The following PTGR2 variants were observed in gnomAD, a reference collection of about 807,000 sequenced individuals.
The protein encoded by PTGR2 is 15-oxoprostaglandin 13-reductase.
A neutral mutation model predicts 43.4 loss-of-function variants in PTGR2; 32 were observed. The ratio of observed to expected loss-of-function variants is 0.74; its 90% confidence interval spans 0.56 to 0.99. The LOEUF is 0.99. Among genes scored for constraint, PTGR2 ranks in the 50% least tolerant of loss-of-function variants. The pLI, the probability that PTGR2 is intolerant of heterozygous loss-of-function variation, is 0.00. For synonymous variants in PTGR2, 106 were observed against 139.2 expected, an observed-to-expected ratio of 0.76 and a Z score of 1.68; for missense variants, 373 against 420.0, an observed-to-expected ratio of 0.89 and a Z score of 0.98.
At chr14:73,876,276 TG>T (rs2054863158) in intron 4 of PTGR2, among the ~76,000 whole-genome samples, 1 of 152,154 alleles carries the variant, frequency 6.6e-6, no homozygotes, top group Non-Finnish European at 1.5e-5. Flanking sequence ...TACTACAGGC[TG>T]GGTGGTTTAA....
intron 1 of PTGR2, 49 bp from the exon 2 acceptor site, chr14:73,858,767 A>G: frequency 2.3e-6 from 2 of 865,130 alleles, no homozygotes; most frequent in South Asian, 2.1e-5. Flanking sequence ...TTATTTTTAA[A>G]TTGTTGAATA....
Position 73,881,179 on chromosome 14 carries a change from C to T in PTGR2, c.852-26C>T, listed in dbSNP as rs759070255. On this transcript the variant is annotated intron_variant, in intron 7 of 9. Transcript: ENST00000555661. The stretch of plus-strand genomic sequence containing the variant: ...TACCACTCCCGTTATATTCTCTGAT[C>T]ATTATCCTTTTCTTCCTCACTGCAG... The T allele has an allele frequency of 3.7e-5, 50 of 1,366,278 alleles. No homozygotes were observed. The South Asian group carries it at 5.6e-4, about 15-fold the overall frequency. 84.6% of individuals were successfully genotyped at this position (1,366,278 alleles called of 1,614,324 possible).
At chr14:73,858,789 G>A (rs928485530) in intron 1 of PTGR2, 27 bp from the exon 2 acceptor site, 3 of 1,162,820 alleles carry the variant, frequency 2.6e-6, no homozygotes, top group Admixed American at 2.2e-5. Context: ...TTCAAATCTT[G>A]TGATTTAAAA....
At chr14:73,868,383 C>T (rs937500793) in intron 3 of PTGR2, among the ~76,000 whole-genome samples, 2 of 152,080 alleles carry the variant, frequency 1.3e-5, no homozygotes, top group Non-Finnish European at 2.9e-5. Flanking sequence ...CAGTGGATGT[C>T]TGTCTTTTGT....
intron 9 of PTGR2, 55 bp downstream of exon 9, chr14:73,882,493 C>T: frequency 8.5e-7 from 1 of 1,173,130 alleles, no homozygotes; most frequent in East Asian, 2.4e-5. Context: ...AAGATAAAGT[C>T]TCTTTATTTT....
At chr14:73,865,047 T>C (rs1363269755) in intron 3 of PTGR2, among the ~76,000 whole-genome samples, 4 of 152,074 alleles carry the variant, frequency 2.6e-5, no homozygotes, top group Non-Finnish European at 5.9e-5. Context: ...AACACACACA[T>C]AGGCATGCAC....
intron 1 of PTGR2, among the ~76,000 whole-genome samples, chr14:73,856,540 C>T (rs571177768): frequency 3.9e-5 from 6 of 152,262 alleles, no homozygotes; most frequent in South Asian, 4.1e-4. Flanking sequence ...GGTGAGCCAC[C>T]GCTCCCAGCC....
intron 1 of PTGR2, 75 bp from the exon 2 acceptor site, chr14:73,858,741 C>A: frequency 1.5e-6 from 1 of 656,154 alleles, no homozygotes; most frequent in Non-Finnish European, 2.4e-6. Flanking sequence ...TTGGGAAACA[C>A]AAATGGACTT....
intron 2 of PTGR2, among the ~76,000 whole-genome samples, chr14:73,859,191 G>A (rs186632128): frequency 1.3e-5 from 2 of 152,190 alleles, no homozygotes; most frequent in African/African-American, 4.8e-5. Flanking sequence ...ACAAATATAT[G>A]TGGCTTTTGT....
chr14:73,882,909 C>T (rs1371901329), intron 9 of PTGR2, among the ~76,000 whole-genome samples: 3 of 140,518 alleles, frequency 2.1e-5, no homozygotes, highest in Non-Finnish European at 3.0e-5. Context: ...CAACCTCCAC[C>T]TCCCGAGATC....
At chr14:73,875,766 G>T (rs2054846913) in intron 4 of PTGR2, among the ~76,000 whole-genome samples, 2 of 149,622 alleles carry the variant, frequency 1.3e-5, no homozygotes, top group African/African-American at 4.9e-5. Context: ...CATACTTGGG[G>T]CATTAACAAG....
chr14:73,854,252 G>A (rs1373996304), intron 1 of PTGR2, among the ~76,000 whole-genome samples: 7 of 151,996 alleles, frequency 4.6e-5, no homozygotes, highest in Non-Finnish European at 4.4e-5. Context: ...ACAGGCACCC[G>A]CCACCACGCC....
At chr14:73,857,199 T>C (rs553355600) in intron 1 of PTGR2, among the ~76,000 whole-genome samples, 26 of 151,300 alleles carry the variant, frequency 1.7e-4, no homozygotes, top group African/African-American at 6.1e-4. Context: ...TTCCTTGATA[T>C]ATTACTTTTA....
chr14:73,877,587 A>G (rs17563302), intron 5 of PTGR2: 4,982 of 150,690 alleles, frequency 0.033, 164 homozygotes, highest in African/African-American at 0.084. Context: ...ATTTATAATG[A>G]CTTTCACACG....
intron 3 of PTGR2, among the ~76,000 whole-genome samples, chr14:73,868,586 G>A (rs1489094347): frequency 3.3e-5 from 5 of 151,898 alleles, no homozygotes; most frequent in African/African-American, 1.2e-4. Flanking sequence ...CCAATCCAAA[G>A]CCCATATCCC....
Position 73,879,372 on chromosome 14 carries a change from A to C in PTGR2, c.729+67A>C, listed in dbSNP as rs1367559115. Reference sequence around the variant, plus strand: ...TATATGTTGTGATATCTTTTTACCTAATACTGAGAAAAAAATTTATAAAAT... The same window carrying C: ...TATATGTTGTGATATCTTTTTACCTCATACTGAGAAAAAAATTTATAAAAT... On this transcript the variant is annotated intron_variant, in intron 6 of 9. Coordinates refer to ENST00000555661, the MANE Select transcript of PTGR2 (RefSeq NM_001146154.2). The C allele has an allele frequency of 7.3e-6, 10 of 1,374,108 alleles. No individual in the cohort carries two copies. In the Admixed American group the frequency reaches 1.7e-4, roughly 24 times the overall value. 85.1% of individuals were successfully genotyped at this position (1,374,108 alleles called of 1,614,324 possible). A position where few individuals can be genotyped will look rare whatever the true frequency, so the allele number is the denominator to read the frequency against.
intron 3 of PTGR2, among the ~76,000 whole-genome samples, chr14:73,871,910 A>C (rs1189412135): frequency 6.6e-6 from 1 of 152,040 alleles, no homozygotes; most frequent in African/African-American, 2.4e-5. Context: ...ACTTGCTTTT[A>C]AGGAATACGT....
chr14:73,871,341 C>CTTTTTTTTTT (rs869073652), intron 3 of PTGR2, among the ~76,000 whole-genome samples: 1 of 67,860 alleles, frequency 1.5e-5, no homozygotes, highest in Non-Finnish European at 2.7e-5. Flanking sequence ...GGCTGTTCAT[C>CTTTTTTTTTT]TTTTTTTTTT....
chr14:73,876,717 T>C (rs150713110), intron 4 of PTGR2, among the ~76,000 whole-genome samples: 4,063 of 152,164 alleles, frequency 0.027, 87 homozygotes, highest in Non-Finnish European at 0.038. Flanking sequence ...TCTCAGGTGA[T>C]CCGCCTGCCT....
Sources: allele counts gnomAD v4.1 joint callset (sites outside exome capture counted in the v4.1 genomes callset), GRCh38; gene constraint gnomAD v4.1.1; transcripts MANE v1.5; gene names NCBI Gene and HGNC (gene_info 2026-07-23, HGNC 2026-07-21).